The following GRID2 variants were observed in gnomAD, a reference collection of about 807,000 sequenced individuals.
GRID2 encodes glutamate receptor ionotropic, delta-2.
A neutral mutation model predicts 114.8 loss-of-function variants in GRID2; 33 were observed. The observed-to-expected ratio is 0.29, with a 90% CI of 0.22 to 0.38. The LOEUF (loss-of-function observed/expected upper bound fraction) is 0.38. Ranked by LOEUF, GRID2 falls within the 10% of genes least tolerant of loss-of-function variation. The pLI, the probability that GRID2 is intolerant of heterozygous loss-of-function variation, is 1.00. For missense variants in GRID2, 1,184 were observed against 1,257.7 expected (o/e 0.94, Z 0.89); for synonymous variants, 505 against 449.9 (o/e 1.12, Z -1.55).
chr4:92,997,839 A>T (rs1050224761), intron 2 of GRID2, among the ~76,000 whole-genome samples: 3 of 152,154 alleles, frequency 2.0e-5, no homozygotes, highest in Non-Finnish European at 4.4e-5. Context: ...ATGTTGAAAA[A>T]TATCAGAAAA....
At chr4:92,501,502 A>G (rs1723681799) in intron 1 of GRID2, among the ~76,000 whole-genome samples, 1 of 152,186 alleles carries the variant, frequency 6.6e-6, no homozygotes, top group African/African-American at 2.4e-5. Flanking sequence ...TCAGCTGTGT[A>G]GTCTTCTCCA....
chr4:93,218,861 G>A (rs1460813152), intron 6 of GRID2, among the ~76,000 whole-genome samples: 1 of 152,128 alleles, frequency 6.6e-6, no homozygotes, highest in East Asian at 1.9e-4. Flanking sequence ...TCACATCGCA[G>A]CAGGTAAGAC....
At chr4:93,095,023 A>G (rs537779937) in intron 3 of GRID2, among the ~76,000 whole-genome samples, 1 of 152,184 alleles carries the variant, frequency 6.6e-6, no homozygotes, top group African/African-American at 2.4e-5. Context: ...GAAAATAAAA[A>G]TAAATGGAAA....
intron 1 of GRID2, among the ~76,000 whole-genome samples, chr4:92,388,867 T>C (rs535517027): frequency 2.0e-5 from 3 of 152,138 alleles, no homozygotes; most frequent in Admixed American, 6.6e-5. Context: ...AAGTATACAA[T>C]TGGGAAATGT....
chr4:92,425,081 T>C (rs961082000), intron 1 of GRID2, among the ~76,000 whole-genome samples: 2 of 152,046 alleles, frequency 1.3e-5, no homozygotes, highest in Non-Finnish European at 2.9e-5. Context: ...AATTATAAGA[T>C]GAATTTTCTT....
chr4:92,655,985 T>C (rs1732212178), intron 2 of GRID2, among the ~76,000 whole-genome samples: 1 of 151,866 alleles, frequency 6.6e-6, no homozygotes, highest in Non-Finnish European at 1.5e-5. Context: ...CCATTCAGTA[T>C]TATGTTAGCT....
chr4:92,810,245 C>CTT (rs1006068464), intron 2 of GRID2, among the ~76,000 whole-genome samples: 1 of 142,706 alleles, frequency 7.0e-6, no homozygotes. Flanking sequence ...TTAGGATGCA[C>CTT]TTTTTTTTTT....
chr4:92,971,445 TAC>T (rs1753512157), intron 2 of GRID2, among the ~76,000 whole-genome samples: 2 of 152,064 alleles, frequency 1.3e-5, no homozygotes, highest in African/African-American at 4.8e-5. Context: ...TAATTGTACA[TAC>T]ACAGTTATAT....
intron 12 of GRID2, among the ~76,000 whole-genome samples, chr4:93,498,116 A>G (rs1411692828): frequency 2.0e-5 from 3 of 151,862 alleles, no homozygotes; most frequent in East Asian, 1.9e-4. Flanking sequence ...TTGTGCTGCT[A>G]TAACAAAATA....
intron 14 of GRID2, among the ~76,000 whole-genome samples, chr4:93,633,699 G>GA (rs555876689): frequency 2.0e-5 from 3 of 151,532 alleles, no homozygotes; most frequent in Admixed American, 1.3e-4. Context: ...AAAAAGCTAA[G>GA]AAAAAAAATC....
At chr4:92,442,561 T>G (rs62312208) in intron 1 of GRID2, among the ~76,000 whole-genome samples, 21,316 of 151,792 alleles carry the variant, frequency 0.14, 1,791 homozygotes, top group Middle Eastern at 0.21. Flanking sequence ...TTTTCTATTA[T>G]TGTACACCTT....
intron 2 of GRID2, among the ~76,000 whole-genome samples, chr4:92,751,235 A>C (rs1399004565): frequency 6.6e-6 from 1 of 152,162 alleles, no homozygotes; most frequent in Non-Finnish European, 1.5e-5. Flanking sequence ...ACTAACTTTA[A>C]GAAAATGCAA....
intron 14 of GRID2, among the ~76,000 whole-genome samples, chr4:93,649,641 A>G (rs530507378): frequency 1.6e-4 from 25 of 152,294 alleles, no homozygotes; most frequent in Middle Eastern, 3.4e-3. Context: ...CTCAAAACTA[A>G]GAGTGATATT....
chr4:93,697,721 T>C (rs763788916), intron 14 of GRID2, among the ~76,000 whole-genome samples: 23 of 149,954 alleles, frequency 1.5e-4, no homozygotes, highest in Middle Eastern at 6.9e-3. Flanking sequence ...AGGAGACCTA[T>C]TTTATAACAA....
At chr4:93,365,269 T>C (rs1210073210) in intron 8 of GRID2, among the ~76,000 whole-genome samples, 1 of 152,178 alleles carries the variant, frequency 6.6e-6, no homozygotes, top group Non-Finnish European at 1.5e-5. Flanking sequence ...CCAATCTTTA[T>C]TTTTGTCAAT....
At chr4:92,919,523 A>G (rs1749122549) in intron 2 of GRID2, among the ~76,000 whole-genome samples, 1 of 152,094 alleles carries the variant, frequency 6.6e-6, no homozygotes, top group African/African-American at 2.4e-5. Flanking sequence ...ACTGCTTTGA[A>G]TGTGTCCCAG....
chr4:92,942,729 A>T (rs1196351347), intron 2 of GRID2, among the ~76,000 whole-genome samples: 1 of 152,136 alleles, frequency 6.6e-6, no homozygotes, highest in African/African-American at 2.4e-5. Context: ...TTCCACGTTT[A>T]GTGCTTCCTT....
intron 10 of GRID2, among the ~76,000 whole-genome samples, chr4:93,430,857 G>A (rs1240870107): frequency 6.6e-6 from 1 of 152,214 alleles, no homozygotes; most frequent in Admixed American, 6.5e-5. Flanking sequence ...TCTAGGTAAA[G>A]AGGGATTGGC....
At chr4:93,336,109 A>G (rs1759062818) in intron 8 of GRID2, among the ~76,000 whole-genome samples, 2 of 152,200 alleles carry the variant, frequency 1.3e-5, no homozygotes, top group African/African-American at 4.8e-5. Flanking sequence ...AACATTTGCC[A>G]TATTTGCCTT....
Sources: gnomAD v4.1 joint callset for allele counts (sites outside exome capture counted in the v4.1 genomes callset) on GRCh38, gnomAD v4.1.1 for gene constraint, MANE v1.5 for transcripts, NCBI Gene and HGNC (gene_info 2026-07-23, HGNC 2026-07-21) for gene names.